The following TTC6 variants were observed in gnomAD, a reference collection of about 807,000 sequenced individuals.
The protein encoded by TTC6 is tetratricopeptide repeat protein 6.
In TTC6, 172 loss-of-function variants were observed where a neutral mutation model predicts 210.4. That is an observed-to-expected ratio of 0.82 (90% confidence interval 0.72 to 0.93). TTC6 has a LOEUF of 0.93. TTC6 is among the 40% of genes least tolerant of loss of function. TTC6 has a pLI of 0.00. For synonymous variants in TTC6, 804 were observed against 819.6 expected (o/e 0.98, Z 0.32); for missense variants, 2,414 against 2,318.1 (o/e 1.04, Z -0.85).
In TTC6 at chr14:37,755,821, G is replaced by C. The variant is rs145813560; in HGVS notation, c.3266+2586G>C. On this transcript the variant is annotated intron_variant, in intron 14 of 30. Transcript: ENST00000553443. ...AGCTTTGTTCTTTTTGCTTAGGATTGTCTTGGCTATATGGGGTATTTTGTG... is the reference window on the plus strand; with the variant it reads ...AGCTTTGTTCTTTTTGCTTAGGATTCTCTTGGCTATATGGGGTATTTTGTG... 6.8e-4 allele frequency among the ~76,000 whole-genome samples: 103 copies of C among 152,264 alleles called. 1 individual carries two copies. The East Asian group carries it at 0.016, about 24-fold the overall frequency.
At chr14:37,675,175 C>T (rs2095766314) in intron 1 of TTC6, among the ~76,000 whole-genome samples, 1 of 151,994 alleles carries the variant, frequency 6.6e-6, no homozygotes, top group Non-Finnish European at 1.5e-5. Context: ...AGTTTCAAAA[C>T]CATCTCATCC....
chr14:37,806,469 G>C, exon 22 of TTC6: 1 of 1,534,846 alleles, frequency 6.5e-7, no homozygotes, highest in East Asian at 2.4e-5. Flanking sequence ...CTCGATTCTG[G>C]ATTTTAATCG....
intron 7 of TTC6, among the ~76,000 whole-genome samples, chr14:37,726,487 ATAT>A (rs1277544791): frequency 6.6e-6 from 1 of 152,100 alleles, no homozygotes; most frequent in Non-Finnish European, 1.5e-5. Flanking sequence ...TTATTGTTAA[ATAT>A]TATGTTGAAT....
At chr14:37,605,712 A>G (rs888630132) in intron 1 of TTC6, among the ~76,000 whole-genome samples, 1 of 152,230 alleles carries the variant, frequency 6.6e-6, no homozygotes, top group Non-Finnish European at 1.5e-5. Flanking sequence ...GTGTATTACC[A>G]TAGCTGGAGA....
intron 1 of TTC6, among the ~76,000 whole-genome samples, chr14:37,597,774 C>T (rs964896571): frequency 2.0e-5 from 3 of 152,106 alleles, no homozygotes; most frequent in Admixed American, 6.5e-5. Flanking sequence ...CCGCAGGCGC[C>T]TCCGGGGAGC....
intron 29 of TTC6, among the ~76,000 whole-genome samples, chr14:37,833,884 T>C (rs1226319845): frequency 6.6e-6 from 1 of 152,222 alleles, no homozygotes; most frequent in Non-Finnish European, 1.5e-5. Context: ...CTCATGGTGA[T>C]GTATTTCCTC....
chr14:37,624,464 G>C (rs191177721), intron 1 of TTC6, among the ~76,000 whole-genome samples: 4 of 152,128 alleles, frequency 2.6e-5, no homozygotes, highest in Non-Finnish European at 5.9e-5. Context: ...CAGAGGTCCC[G>C]TACAGTTGAG....
chr14:37,782,723 T>C (rs567242988), intron 14 of TTC6, among the ~76,000 whole-genome samples: 192 of 152,290 alleles, frequency 1.3e-3, no homozygotes, highest in East Asian at 3.9e-3. Flanking sequence ...AAAGGGAATG[T>C]TTCCAGTTTT....
chr14:37,611,295 C>CA (rs2095634040), intron 2 of TTC6: 2 of 152,222 alleles, frequency 1.3e-5, no homozygotes, highest in Admixed American at 6.5e-5. Flanking sequence ...GCCTGTTGGA[C>CA]ACTCGCCGAG....
At chr14:37,698,298 A>C (rs2095818446) in intron 4 of TTC6, among the ~76,000 whole-genome samples, 2 of 152,202 alleles carry the variant, frequency 1.3e-5, no homozygotes, top group Non-Finnish European at 2.9e-5. Context: ...ATTGTTATTT[A>C]GGTAAATAAC....
At chr14:37,682,693 T>C in intron 2 of TTC6, 65 bp from the exon 5 acceptor site, 1 of 1,344,452 alleles carries the variant, frequency 7.4e-7, no homozygotes, top group Non-Finnish European at 1.0e-6. Flanking sequence ...AACTGTTGCA[T>C]CACTGAAAAG....
intron 1 of TTC6, among the ~76,000 whole-genome samples, chr14:37,677,387 T>G (rs372349750): frequency 1.3e-5 from 2 of 152,152 alleles, no homozygotes. Context: ...TTTACATATT[T>G]ACCCTGTACC....
chr14:37,742,355 G>A (rs1426142191), intron 10 of TTC6, among the ~76,000 whole-genome samples: 3 of 152,008 alleles, frequency 2.0e-5, no homozygotes. Flanking sequence ...GAGTTGTTAT[G>A]TTTTCCTTAG....
chr14:37,815,635 A>G (rs1382594334), intron 25 of TTC6, among the ~76,000 whole-genome samples: 1 of 152,116 alleles, frequency 6.6e-6, no homozygotes, highest in Non-Finnish European at 1.5e-5. Context: ...AACCCCTGGT[A>G]TATAGAGCTG....
intron 23 of TTC6, 143 bp downstream of exon 25, chr14:37,807,603 C>T: frequency 1.8e-6 from 1 of 553,110 alleles, no homozygotes; most frequent in Non-Finnish European, 2.8e-6. Context: ...AAACTTTACA[C>T]TTTCCCAATT....
chr14:37,813,636 C>T (rs967539264), intron 25 of TTC6, among the ~76,000 whole-genome samples: 1 of 152,164 alleles, frequency 6.6e-6, no homozygotes, highest in Non-Finnish European at 1.5e-5. Context: ...TAAGGTCTTT[C>T]CACAGTAAGT....
intron 1 of TTC6, among the ~76,000 whole-genome samples, chr14:37,599,415 C>A (rs1206193024): frequency 6.6e-6 from 1 of 152,184 alleles, no homozygotes; most frequent in East Asian, 1.9e-4. Flanking sequence ...GCTGTGTGTG[C>A]GTGTGCTTGT....
intron 2 of TTC6, among the ~76,000 whole-genome samples, chr14:37,607,927 C>G (rs57667054): frequency 0.018 from 2,763 of 152,302 alleles, 82 homozygotes; most frequent in African/African-American, 0.064. Context: ...CCTGTTTCCT[C>G]ACTCCCATGC....
intron 25 of TTC6, among the ~76,000 whole-genome samples, chr14:37,815,662 C>A (rs2096139772): frequency 6.6e-6 from 1 of 152,038 alleles, no homozygotes. Context: ...GAAGGGGAGG[C>A]ATGTGAAGTG....
Sources: allele counts gnomAD v4.1 joint callset (sites outside exome capture counted in the v4.1 genomes callset), GRCh38; gene constraint gnomAD v4.1.1; transcripts MANE v1.5; gene names NCBI Gene and HGNC (gene_info 2026-07-23, HGNC 2026-07-21).